SLC13A1: variants seen among roughly 807,000 people sequenced by gnomAD.
SLC13A1 encodes the protein solute carrier family 13 member 1.
SLC13A1 carries 65 observed loss-of-function variants against 70.0 expected under a neutral mutation model. That is an observed-to-expected ratio of 0.93 (90% CI 0.76 to 1.14). SLC13A1 has a LOEUF of 1.14. Ranked by LOEUF, SLC13A1 falls within the 50% of genes most tolerant of loss-of-function variation. SLC13A1 has a pLI of 0.00. For missense variants in SLC13A1, 726 were observed against 717.8 expected (o/e 1.01, Z -0.13); for synonymous variants, 275 against 250.5 (o/e 1.10, Z -0.92).
intron 8 of SLC13A1, among the ~76,000 whole-genome samples, chr7:123,133,777 G>T (rs2116336908): frequency 6.6e-6 from 1 of 152,118 alleles, no homozygotes; most frequent in Middle Eastern, 3.4e-3. Context: ...TGATCCAACT[G>T]CCTTGATCTC....
intron 2 of SLC13A1, among the ~76,000 whole-genome samples, chr7:123,178,547 A>T (rs1291642619): frequency 6.6e-6 from 1 of 152,152 alleles, no homozygotes; most frequent in Non-Finnish European, 1.5e-5. Flanking sequence ...GCATTATCAC[A>T]TCCCACTTAC....
At chr7:123,179,006 T>C (rs1474525253) in intron 2 of SLC13A1, among the ~76,000 whole-genome samples, 1 of 152,116 alleles carries the variant, frequency 6.6e-6, no homozygotes, top group Admixed American at 6.6e-5. Context: ...TTCTTAAGTC[T>C]CATTGACAAA....
chr7:123,179,126 A>G (rs1795553389), intron 2 of SLC13A1, among the ~76,000 whole-genome samples: 1 of 152,118 alleles, frequency 6.6e-6, no homozygotes, highest in African/African-American at 2.4e-5. Context: ...TCAAGGTGGG[A>G]AGAAATAAGG....
chr7:123,135,493 C>T (rs923765495), intron 7 of SLC13A1, among the ~76,000 whole-genome samples: 7 of 152,050 alleles, frequency 4.6e-5, no homozygotes, highest in African/African-American at 1.7e-4. Context: ...ATAAAAACAT[C>T]ATTAACATAT....
At chr7:123,139,294 A>G (rs1794054099) in intron 7 of SLC13A1, among the ~76,000 whole-genome samples, 1 of 152,126 alleles carries the variant, frequency 6.6e-6, no homozygotes, top group African/African-American at 2.4e-5. Context: ...ATATACCAGT[A>G]CCATGCTGTC....
chr7:123,135,822 C>A lies in SLC13A1; in HGVS notation c.813-1293G>T, dbSNP rs547982171. 2.0e-5 allele frequency among the ~76,000 whole-genome samples: 3 copies of A among 152,064 alleles called. No individual in the cohort carries two copies. In the East Asian group the frequency reaches 5.8e-4, roughly 29 times the overall value. ...GCAACTGGAGGATAATTTTTATCTA[C>A]CTTGAAGAGATCCAAAGATTAGCTT... On this transcript the variant is annotated intron_variant, in intron 7 of 14. Transcript: ENST00000194130.
rs955838439 is a variant in SLC13A1 at position 123,195,679 on chromosome 7, T to C, written c.99+4169A>G. ...ATTCTCACTTTGAAAGTCATCATGATTCAAGTGACTATATCGTGAGTTTCA... is the reference window on the plus strand; with the variant it reads ...ATTCTCACTTTGAAAGTCATCATGACTCAAGTGACTATATCGTGAGTTTCA... On this transcript the variant is annotated intron_variant, in intron 1 of 14. Transcript: ENST00000194130. 1.2e-4 allele frequency among the ~76,000 whole-genome samples: 19 copies of C among 152,060 alleles called. 1 individual carries two copies. Among genetic ancestry groups the C allele is most frequent in the Non-Finnish European group, 2.2e-4 (15 of 67,978 alleles).
At chr7:123,185,438 C>A (rs1191134158) in intron 1 of SLC13A1, among the ~76,000 whole-genome samples, 1 of 151,952 alleles carries the variant, frequency 6.6e-6, no homozygotes, top group Non-Finnish European at 1.5e-5. Context: ...TTAATTAATT[C>A]ATTTTGAGTT....
intron 12 of SLC13A1, among the ~76,000 whole-genome samples, chr7:123,121,875 G>A (rs548359556): frequency 1.3e-5 from 2 of 152,042 alleles, no homozygotes; most frequent in Admixed American, 1.3e-4. Context: ...CCAGTTTTTA[G>A]GGGCATATTT....
chr7:123,131,903 TC>T (rs1474732499), intron 8 of SLC13A1, among the ~76,000 whole-genome samples: 1 of 152,202 alleles, frequency 6.6e-6, no homozygotes, highest in Admixed American at 6.5e-5. Context: ...TCTTAATTTC[TC>T]CTTTTTAAAT....
At chr7:123,118,651 A>G (rs1180826910) in intron 13 of SLC13A1, among the ~76,000 whole-genome samples, 1 of 152,248 alleles carries the variant, frequency 6.6e-6, no homozygotes, top group East Asian at 1.9e-4. Context: ...GTGTGAGCCT[A>G]GTTTTTCATT....
intron 8 of SLC13A1, among the ~76,000 whole-genome samples, chr7:123,131,965 T>C (rs1008195689): frequency 9.2e-5 from 14 of 152,186 alleles, no homozygotes; most frequent in African/African-American, 3.1e-4. Context: ...TTTGATAAAG[T>C]CATTAAATGT....
intron 1 of SLC13A1, among the ~76,000 whole-genome samples, chr7:123,183,865 T>A (rs555317195): frequency 1.1e-3 from 162 of 152,302 alleles, no homozygotes; most frequent in Middle Eastern, 3.4e-3. Flanking sequence ...CATAACCCAT[T>A]TGTAAAACTT....
At chr7:123,128,803 A>G in intron 10 of SLC13A1, 42 bp downstream of exon 10, 1 of 1,302,894 alleles carries the variant, frequency 7.7e-7, no homozygotes, top group Non-Finnish European at 1.1e-6. Flanking sequence ...GAAGCAGAGT[A>G]TAAAACAGGA....
chr7:123,179,743 G>T (rs1318077391), intron 2 of SLC13A1, among the ~76,000 whole-genome samples: 2 of 152,016 alleles, frequency 1.3e-5, no homozygotes, highest in East Asian at 3.9e-4. Flanking sequence ...TTCTACTTCA[G>T]CCTCTTTTTA....
At position 123,138,822 on chromosome 7, in the gene SLC13A1, G is replaced by A. The variant is rs148479301; in HGVS notation, c.813-4293C>T. Among the ~76,000 whole-genome samples, 183 of 152,054 alleles carry A rather than the reference G, an allele frequency of 1.2e-3. 2 individuals carry two copies. Among genetic ancestry groups the A allele is most frequent in the African/African-American group, 4.0e-3 (168 of 41,530 alleles). On this transcript the variant is annotated intron_variant, in intron 7 of 14. Coordinates refer to ENST00000194130, the MANE Select transcript of SLC13A1 (RefSeq NM_022444.4). The stretch of plus-strand genomic sequence containing the variant: ...TATATATTTTGGTTATTAATACTTC[G>A]TTAGATGGAAAACTTGCAAATATTT...
At chr7:123,147,433 T>A in intron 6 of SLC13A1, 123 bp from the exon 7 acceptor site, 1 of 1,137,222 alleles carries the variant, frequency 8.8e-7, no homozygotes, top group East Asian at 2.6e-5. Flanking sequence ...TGTGATTGTA[T>A]TTGGCAATGG....
intron 7 of SLC13A1, among the ~76,000 whole-genome samples, chr7:123,138,842 A>T (rs1794039660): frequency 6.6e-6 from 1 of 152,092 alleles, no homozygotes; most frequent in East Asian, 1.9e-4. Context: ...AAACTTGCAA[A>T]TATTTTCTCT....
At chr7:123,143,608 G>C (rs1355554963) in intron 7 of SLC13A1, among the ~76,000 whole-genome samples, 2 of 152,118 alleles carry the variant, frequency 1.3e-5, no homozygotes, top group Non-Finnish European at 2.9e-5. Flanking sequence ...AATGAGGGAG[G>C]GGCAGCATCT....
Sources: allele counts gnomAD v4.1 joint callset (sites outside exome capture counted in the v4.1 genomes callset), GRCh38; gene constraint gnomAD v4.1.1; transcripts MANE v1.5; gene names NCBI Gene and HGNC (gene_info 2026-07-23, HGNC 2026-07-21).